SYP: variants seen among roughly 807,000 people sequenced by gnomAD.
The protein encoded by SYP is synaptophysin.
In SYP, 2 loss-of-function variants were observed where a neutral mutation model predicts 24.3. That is an observed-to-expected ratio of 0.08 (90% CI 0.03 to 0.26). SYP has a LOEUF of 0.26. SYP is among the 10% of genes least tolerant of loss of function. The probability of loss-of-function intolerance (pLI) is 1.00; values close to 1 mark genes in which losing one functional copy is unlikely to be tolerated. For missense variants in SYP, 216 were observed against 266.3 expected, an observed-to-expected ratio of 0.81 and a Z score of 1.32; for synonymous variants, 143 against 123.2, an observed-to-expected ratio of 1.16 and a Z score of -1.07.
Position 49,198,983 on chromosome X carries a change from C to T in SYP, c.87G>A (p.Val29=). The stretch of plus-strand genomic sequence containing the variant: ...CCACACTCACCCATTGCAGCACCTT[C>T]ACAAAGCCGAGGGGCTCCTTGACCA... ...FRVVKEPLGF[V]KVLQWVFAIF... The change falls in exon 2 of 7, where the codon GTG becomes GTA. Residue 29 remains valine (V), a synonymous_variant. Transcript: ENST00000263233. 8.3e-7 allele frequency: 1 copy of T among 1,211,599 alleles called. No homozygotes were observed.
intron 1 of SYP, among the ~76,000 whole-genome samples, chrX:49,199,796 C>T (rs189186932): frequency 9.3e-6 from 1 of 107,151 alleles, no homozygotes; most frequent in Admixed American, 9.8e-5. Context: ...GCTCTATTTC[C>T]TAGCTTATCC....
At position 49,188,520 on chromosome X, in the gene SYP, C is replaced by T; in HGVS notation, c.*767G>A. ...CCCCTTTAGAATCAAGCTCAGTCTC[C>T]CAAATGTTCCAAGCCACACCCTTTC... On this transcript the variant is annotated 3_prime_UTR_variant, in exon 7 of 7. Transcript: ENST00000263233. 1.8e-5 allele frequency: 2 copies of T among 110,820 alleles called. No homozygotes were observed. The highest frequency in any genetic ancestry group is 5.7e-4 in the East Asian group (2 of 3,491). The allele number at this position is 110,820 out of a possible 1,213,427, so 9.1% of individuals were successfully genotyped here.
intron 2 of SYP, chrX:49,198,729 G>A: frequency 2.4e-6 from 1 of 421,427 alleles, no homozygotes; most frequent in Non-Finnish European, 4.2e-6. Flanking sequence ...AAGAGAGGAG[G>A]TAGGACGTCA....
chrX:49,199,349 A>T, intron 1 of SYP: 15 of 190,404 alleles, frequency 7.9e-5, no homozygotes, highest in East Asian at 2.5e-4. Flanking sequence ...CGGGTAGAGA[A>T]TGGGGATGGA....
rs782314589 is a variant in SYP, at chrX:49,188,943, C to A, written c.*344G>T. The A allele has an allele frequency of 9.1e-6, 1 of 109,863 alleles. No individual in the cohort carries two copies. The highest frequency in any genetic ancestry group is 2.9e-4 in the East Asian group (1 of 3,451). 9.1% of individuals were successfully genotyped at this position (109,863 alleles called of 1,213,427 possible). Reference sequence around the variant, plus strand: ...AGAGTCTGAAGTCACGCCCACCCTCCCCACACAGCCGAGGTCTGTTCCCTC... The same window carrying A: ...AGAGTCTGAAGTCACGCCCACCCTCACCACACAGCCGAGGTCTGTTCCCTC... On this transcript the variant is annotated 3_prime_UTR_variant, in exon 7 of 7. Transcript: ENST00000263233.
Position 49,193,177 on chromosome X carries a change from C to T in SYP, c.615+95G>A, listed in dbSNP as rs1403416253. 7 of 1,037,823 alleles carry T rather than the reference C, an allele frequency of 6.7e-6. No individual in the cohort carries two copies. In the East Asian group the frequency reaches 2.0e-4, roughly 29 times the overall value. The allele number at this position is 1,037,823 out of a possible 1,213,427, so 85.5% of individuals were successfully genotyped here. Reference sequence around the variant, plus strand: ...TCTTCAGGGACACCCCTTGGATCTCCCCTGACTCTCCTCTTATTCTCCCAC... The same window carrying T: ...TCTTCAGGGACACCCCTTGGATCTCTCCTGACTCTCCTCTTATTCTCCCAC... On this transcript the variant is annotated intron_variant, in intron 5 of 6. Coordinates refer to ENST00000263233, the MANE Select transcript of SYP (RefSeq NM_003179.3).
chrX:49,191,688 G>T lies in SYP; in HGVS notation c.691C>A (p.Pro231Thr). 8.3e-7 allele frequency: 1 copy of T among 1,207,090 alleles called. No homozygotes were observed. Among genetic ancestry groups the T allele is most frequent in the Non-Finnish European group, 1.1e-6 (1 of 893,258 alleles). The change falls in exon 6 of 7, where the codon CCG becomes ACG. Residue 231 changes from proline (P) to threonine (T), a missense_variant. Pro to Thr is a conservative substitution (Grantham distance 38). Around this residue, in one of 2 missense-constraint regions of SYP, gnomAD observed 114 missense variants for 107.9 expected, o/e 1.06. Transcript: ENST00000263233. ...FVFKETGWAA[P>T]FLRAPPGAPE... is the part of the protein sequence containing the mutation. ...GCGCCGGGAGGCGCGCGCAGGAACG[G>T]GGCGGCCCAGCCTGTCTCCTTAAAC...
chrX:49,194,409 C>A, intron 3 of SYP, 48 bp from the exon 4 acceptor site: 1 of 1,159,269 alleles, frequency 8.6e-7, no homozygotes, highest in African/African-American at 1.8e-5. Flanking sequence ...AGAACACCCT[C>A]AACCCTCCAG....
chrX:49,190,237 T>C (rs2065501399), intron 6 of SYP, among the ~76,000 whole-genome samples: 1 of 109,039 alleles, frequency 9.2e-6, no homozygotes, highest in Non-Finnish European at 1.9e-5. Flanking sequence ...TGGAGTGCAG[T>C]GGCGCAATCT....
At chrX:49,197,640 G>C (rs782083037) in intron 3 of SYP, 75 bp downstream of exon 3, 10 of 1,156,718 alleles carry the variant, frequency 8.6e-6, no homozygotes, top group African/African-American at 7.1e-5. Context: ...AGCTACTTGC[G>C]GGGGGAGGTA....
At chrX:49,193,774 T>C (rs1483842084) in intron 4 of SYP, among the ~76,000 whole-genome samples, 1 of 112,070 alleles carries the variant, frequency 8.9e-6, no homozygotes, top group Non-Finnish European at 1.9e-5. Flanking sequence ...ATGTGGGAAT[T>C]TTTGTCATTT....
chrX:49,194,409 C>T (rs1388742918), intron 3 of SYP, 48 bp from the exon 4 acceptor site: 2 of 1,159,269 alleles, frequency 1.7e-6, no homozygotes, highest in East Asian at 6.0e-5. Flanking sequence ...AGAACACCCT[C>T]AACCCTCCAG....
At chrX:49,194,871 GC>G (rs1557103243) in intron 3 of SYP, among the ~76,000 whole-genome samples, 1 of 110,802 alleles carries the variant, frequency 9.0e-6, no homozygotes, top group East Asian at 2.8e-4. Flanking sequence ...GCTACGCCCA[GC>G]TAATTTTTGT....
chrX:49,199,600 G>C lies in SYP; in HGVS notation c.36+551C>G, dbSNP rs782621446. The stretch of plus-strand genomic sequence containing the variant: ...TCTGGACTGATTAAGGTGGGGGAGG[G>C]CTGGGACACGGCTTCAGTCGCTATG... On this transcript the variant is annotated intron_variant, in intron 1 of 6. Transcript: ENST00000263233. Among the ~76,000 whole-genome samples the C allele has an allele frequency of 8.6e-5, 9 of 104,878 alleles. 1 individual carries two copies. In the South Asian group the frequency reaches 4.1e-3, roughly 48 times the overall value. 91.1% of individuals were successfully genotyped at this position (104,878 alleles called of 115,157 possible).
chrX:49,197,656 C>G, intron 3 of SYP, 59 bp downstream of exon 3: 1 of 1,180,148 alleles, frequency 8.5e-7, no homozygotes. Flanking sequence ...AGGTATTGGC[C>G]GGTTCCACCC....
At chrX:49,194,078 G>A (rs2065520042) in intron 4 of SYP, 88 bp downstream of exon 4, 2 of 1,074,360 alleles carry the variant, frequency 1.9e-6, no homozygotes, top group South Asian at 1.9e-5. Flanking sequence ...GGGCCTGTCT[G>A]GGATTTGGTG....
intron 1 of SYP, 77 bp from the exon 2 acceptor site, chrX:49,199,110 G>T: frequency 1.0e-6 from 1 of 994,737 alleles, no homozygotes; most frequent in Admixed American, 2.4e-5. Context: ...GCCCATCAAT[G>T]ACCCCAGGGG....
At chrX:49,196,710 A>G (rs1205392770) in intron 3 of SYP, among the ~76,000 whole-genome samples, 1 of 111,465 alleles carries the variant, frequency 9.0e-6, no homozygotes, top group Non-Finnish European at 1.9e-5. Context: ...CTGTCATCCC[A>G]CCCTGCAGGA....
chrX:49,199,808 C>T (rs2065543998), intron 1 of SYP, among the ~76,000 whole-genome samples: 1 of 107,294 alleles, frequency 9.3e-6, no homozygotes, highest in South Asian at 4.3e-4. Flanking sequence ...AGCTTATCCG[C>T]AGCACCCCCC....
Sources: gnomAD v4.1 joint callset for allele counts (sites outside exome capture counted in the v4.1 genomes callset) on GRCh38, gnomAD v4.1.1 for gene constraint, gnomAD v4.1.1 regional missense constraint, MANE v1.5 for transcripts, NCBI Gene and HGNC (gene_info 2026-07-23, HGNC 2026-07-21) for gene names.